Variants in GLB1 observed in about 807,000 individuals in gnomAD.
GLB1 encodes beta-galactosidase.
GLB1 carries 56 observed loss-of-function variants against 74.0 expected under a neutral mutation model. The ratio of observed to expected loss-of-function variants is 0.76; its 90% confidence interval spans 0.61 to 0.94. The LOEUF is 0.94. GLB1 is among the 40% of genes least tolerant of loss of function. The pLI is 0.00. For synonymous variants in GLB1, 323 were observed against 323.6 expected (o/e 1.00, Z 0.02); for missense variants, 787 against 845.5 (o/e 0.93, Z 0.86).
chr3:32,967,357 A>G, the GLB1 span, among the ~76,000 whole-genome samples: 1 of 152,228 alleles, frequency 6.6e-6, no homozygotes, highest in Non-Finnish European at 1.5e-5. Context: ...ACCTGAGGTC[A>G]GGAGTTAGAG....
Position 32,996,986 on chromosome 3 carries a change from A to T in GLB1, c.*59T>A. On this transcript the variant is annotated 3_prime_UTR_variant, in exon 16 of 16. Coordinates refer to ENST00000307363, the MANE Select transcript of GLB1 (RefSeq NM_000404.4). ...TCCAATCAGTGAAATGTGGCATGAC[A>T]GGGAGGATCTGTGAGGTATGTTCAG... 6.2e-7 allele frequency: 1 copy of T among 1,613,296 alleles called. No homozygotes were observed. Among genetic ancestry groups the T allele is most frequent in the Non-Finnish European group, 8.5e-7 (1 of 1,179,688 alleles).
chr3:32,970,238 G>A, the GLB1 span, among the ~76,000 whole-genome samples: 4 of 152,138 alleles, frequency 2.6e-5, no homozygotes, highest in African/African-American at 9.7e-5. Flanking sequence ...TGCATGAACC[G>A]AACACTCAAA....
intron 1 of GLB1, among the ~76,000 whole-genome samples, chr3:33,073,849 A>C (rs979530084): frequency 1.3e-4 from 19 of 151,642 alleles, no homozygotes; most frequent in South Asian, 4.2e-4. Context: ...TCTCTACAAA[A>C]AAACAAACAA....
rs1376005330 is a variant in GLB1 at position 33,053,474 on chromosome 3, T to A, written c.792+17A>T. 2.5e-6 allele frequency: 4 copies of A among 1,614,142 alleles called. No individual in the cohort carries two copies. Among genetic ancestry groups the A allele is most frequent in the Non-Finnish European group, 3.4e-6 (4 of 1,180,014 alleles). On this transcript the variant is annotated intron_variant, in intron 7 of 15. Coordinates refer to ENST00000307363, the MANE Select transcript of GLB1 (RefSeq NM_000404.4). ...CTCTTAACAGCTGCAAACACACACC[T>A]CACCCTCGATTCTTACCAAGGGTCC...
the GLB1 span, among the ~76,000 whole-genome samples, chr3:32,969,371 G>A: frequency 2.6e-4 from 40 of 152,276 alleles, no homozygotes; most frequent in East Asian, 6.2e-3. Flanking sequence ...ACTTTTAACC[G>A]CTGGAAGTAA....
chr3:33,050,182 T>C (rs936708895), intron 9 of GLB1, among the ~76,000 whole-genome samples: 12 of 152,220 alleles, frequency 7.9e-5, no homozygotes, highest in South Asian at 6.2e-4. Context: ...TAATTTTTCC[T>C]ACACAAAAAA....
At position 33,000,264 on chromosome 3, in the gene GLB1, G is replaced by T. The variant is rs116313193; in HGVS notation, c.1735-2920C>A. Among the ~76,000 whole-genome samples, 1,043 of 152,260 alleles carry T rather than the reference G, an allele frequency of 6.9e-3. 13 individuals carry two copies. Among genetic ancestry groups the T allele is most frequent in the African/African-American group, 0.024 (994 of 41,544 alleles). Reference sequence around the variant, plus strand: ...CCATGCACATGTTTCTTACAGGAGGGGAATGCTAGGAATGGAATTGCTGGG... The same window carrying T: ...CCATGCACATGTTTCTTACAGGAGGTGAATGCTAGGAATGGAATTGCTGGG... On this transcript the variant is annotated intron_variant, in intron 15 of 15. Transcript: ENST00000307363.
chr3:33,009,666 C>CA (rs1696941206), intron 15 of GLB1, among the ~76,000 whole-genome samples: 1 of 152,150 alleles, frequency 6.6e-6, no homozygotes, highest in African/African-American at 2.4e-5. Context: ...GGCCATAAAA[C>CA]AAGTCTAAAT....
chr3:33,076,044 C>CA (rs71733863), intron 1 of GLB1, among the ~76,000 whole-genome samples: 383 of 79,450 alleles, frequency 4.8e-3, no homozygotes, highest in South Asian at 9.8e-3. Context: ...GACTCTGTCT[C>CA]AAAAAAAAAA....
At chr3:32,999,407 C>G (rs1696454596) in intron 15 of GLB1, among the ~76,000 whole-genome samples, 1 of 152,174 alleles carries the variant, frequency 6.6e-6, no homozygotes, top group Non-Finnish European at 1.5e-5. Flanking sequence ...ACGCACCACA[C>G]AGGCTTCATG....
At chr3:32,996,368 A>G (rs1046921258), downstream of GLB1, among the ~76,000 whole-genome samples, 6 of 152,232 alleles carry the variant, frequency 3.9e-5, no homozygotes, top group Non-Finnish European at 7.3e-5. Context: ...ACGGGATCCA[A>G]TTTAAGGTAA....
At chr3:32,979,457 C>T in the GLB1 span, among the ~76,000 whole-genome samples, 5,185 of 151,752 alleles carry the variant, frequency 0.034, 204 homozygotes, top group East Asian at 0.17. Context: ...TTAATTTCTG[C>T]TTTTACATGT....
At chr3:33,077,293 G>A (rs1474236383) in intron 1 of GLB1, 4 of 1,573,244 alleles carry the variant, frequency 2.5e-6, no homozygotes, top group Non-Finnish European at 3.5e-6. Context: ...GTTCTGTGGT[G>A]CAGTTTAGGA....
intron 10 of GLB1, among the ~76,000 whole-genome samples, chr3:33,044,148 C>A (rs894291073): frequency 1.3e-5 from 2 of 152,110 alleles, no homozygotes; most frequent in East Asian, 3.9e-4. Flanking sequence ...TCTTTTTATG[C>A]GCACATTGAC....
chr3:32,995,222 TGCCTTCTG>T (rs1386148323), downstream of GLB1, among the ~76,000 whole-genome samples: 32 of 152,308 alleles, frequency 2.1e-4, no homozygotes, highest in African/African-American at 7.0e-4. Context: ...CCACTGCTCG[TGCCTTCTG>T]GAGATTCTCT....
chr3:32,965,252 T>C, the GLB1 span, among the ~76,000 whole-genome samples: 14 of 152,116 alleles, frequency 9.2e-5, no homozygotes, highest in Non-Finnish European at 1.5e-4. Context: ...GACAGGAAGA[T>C]GTGGGAAAGT....
chr3:33,022,391 C>T (rs1036036123), intron 11 of GLB1, among the ~76,000 whole-genome samples: 2 of 151,832 alleles, frequency 1.3e-5, no homozygotes, highest in Non-Finnish European at 2.9e-5. Flanking sequence ...TGAGATACAG[C>T]GTTTTACATG....
intron 10 of GLB1, chr3:33,034,155 AC>A: frequency 3.2e-6 from 2 of 629,164 alleles, no homozygotes; most frequent in South Asian, 3.3e-5. Context: ...AAGACCCACG[AC>A]CCCTCAGGAT....
chr3:32,990,120 G>A, the GLB1 span, among the ~76,000 whole-genome samples: 1 of 152,174 alleles, frequency 6.6e-6, no homozygotes, highest in Admixed American at 6.5e-5. Context: ...ACCCCAGTCA[G>A]ATTGAGGTAC....
Sources: gnomAD v4.1 joint callset for allele counts (sites outside exome capture counted in the v4.1 genomes callset) on GRCh38, gnomAD v4.1.1 for gene constraint, MANE v1.5 for transcripts, NCBI Gene and HGNC (gene_info 2026-07-23, HGNC 2026-07-21) for gene names.